The following EFNA5 variants were observed in gnomAD, a reference collection of about 807,000 sequenced individuals.
EFNA5 encodes the protein ephrin-A5.
In EFNA5, 5 loss-of-function variants were observed where a neutral mutation model predicts 22.9. That is an observed-to-expected ratio of 0.22 (90% CI 0.11 to 0.46). The LOEUF (loss-of-function observed/expected upper bound fraction) is 0.46. Among genes scored for constraint, EFNA5 ranks in the 20% least tolerant of loss-of-function variants. EFNA5 has a pLI of 0.99. For synonymous variants in EFNA5, 113 were observed against 112.2 expected, an observed-to-expected ratio of 1.01 and a Z score of -0.04; for missense variants, 237 against 293.3, an observed-to-expected ratio of 0.81 and a Z score of 1.40.
chr5:107,653,003 C>T (rs1052419315), intron 1 of EFNA5, among the ~76,000 whole-genome samples: 8 of 151,904 alleles, frequency 5.3e-5, no homozygotes, highest in Non-Finnish European at 1.0e-4. Context: ...CCAGGGATGC[C>T]AAGGCACTTA....
At chr5:107,531,077 T>C (rs945973467) in intron 1 of EFNA5, among the ~76,000 whole-genome samples, 6 of 152,240 alleles carry the variant, frequency 3.9e-5, no homozygotes, top group African/African-American at 1.2e-4. Context: ...TTAACGAAGA[T>C]GTTTTTTAAA....
chr5:107,481,859 AAAAAG>A (rs1357107866), intron 1 of EFNA5, among the ~76,000 whole-genome samples: 5 of 151,168 alleles, frequency 3.3e-5, no homozygotes, highest in Non-Finnish European at 7.4e-5. Flanking sequence ...CAAAAAAAAA[AAAAAG>A]AAAAGAAATG....
intron 2 of EFNA5, among the ~76,000 whole-genome samples, chr5:107,417,999 C>T (rs978481092): frequency 1.3e-5 from 2 of 152,154 alleles, no homozygotes; most frequent in Admixed American, 6.5e-5. Flanking sequence ...AGTAACCTTT[C>T]ACTCTGTGTG....
intron 1 of EFNA5, among the ~76,000 whole-genome samples, chr5:107,558,871 T>C (rs762742632): frequency 1.2e-4 from 19 of 152,242 alleles, no homozygotes; most frequent in Non-Finnish European, 2.6e-4. Context: ...TGGAGCAGAA[T>C]CATCCAGGCT....
intron 2 of EFNA5, 61 bp from the exon 3 acceptor site, chr5:107,387,832 C>T (rs1747673693): frequency 1.8e-6 from 2 of 1,125,494 alleles, no homozygotes; most frequent in Non-Finnish European, 1.3e-6. Flanking sequence ...TATTACTCTT[C>T]ATTTTCACAT....
intron 1 of EFNA5, among the ~76,000 whole-genome samples, chr5:107,619,123 C>T (rs1010708016): frequency 2.0e-5 from 3 of 151,906 alleles, no homozygotes; most frequent in Non-Finnish European, 4.4e-5. Flanking sequence ...GACGGGGTTT[C>T]GCTGTGTTAG....
chr5:107,455,971 C>T (rs520447), intron 1 of EFNA5, among the ~76,000 whole-genome samples: 3,276 of 152,268 alleles, frequency 0.022, 112 homozygotes, highest in African/African-American at 0.074. Context: ...ATGCCATCCA[C>T]TACCTAGAAA....
chr5:107,480,098 T>C (rs1750417494), intron 1 of EFNA5, among the ~76,000 whole-genome samples: 1 of 152,044 alleles, frequency 6.6e-6, no homozygotes, highest in Admixed American at 6.6e-5. Flanking sequence ...CATGAGAAAA[T>C]AAGAATAATA....
intron 1 of EFNA5, among the ~76,000 whole-genome samples, chr5:107,533,532 TA>T (rs1463015029): frequency 5.3e-5 from 8 of 152,080 alleles, no homozygotes; most frequent in Admixed American, 4.6e-4. Context: ...TTTTAAAAGA[TA>T]AAAAAGAATA....
At chr5:107,653,376 T>G (rs1243360245) in intron 1 of EFNA5, among the ~76,000 whole-genome samples, 1 of 152,128 alleles carries the variant, frequency 6.6e-6, no homozygotes, top group Admixed American at 6.5e-5. Context: ...CTCTATATGG[T>G]GCATTTATGA....
chr5:107,438,772 T>G (rs1035619015), intron 1 of EFNA5, among the ~76,000 whole-genome samples: 1 of 152,136 alleles, frequency 6.6e-6, no homozygotes, highest in African/African-American at 2.4e-5. Context: ...CTGGCATATC[T>G]GGGGGTTAGA....
chr5:107,448,851 AAATAAATAAATAAAT>A (rs1487725330), intron 1 of EFNA5, among the ~76,000 whole-genome samples: 2 of 117,152 alleles, frequency 1.7e-5, no homozygotes, highest in Non-Finnish European at 3.4e-5. Context: ...ATAAATAAAT[AAATAAATAAATAAAT>A]AAATAAAATA....
intron 1 of EFNA5, among the ~76,000 whole-genome samples, chr5:107,565,571 A>C (rs1483757486): frequency 6.6e-6 from 1 of 152,200 alleles, no homozygotes; most frequent in Non-Finnish European, 1.5e-5. Flanking sequence ...CATCATTTGC[A>C]CAACAAAGTT....
rs556831818 is a variant in EFNA5 at position 107,562,662 on chromosome 5, G to A, written c.125+107827C>T. Among the ~76,000 whole-genome samples the A allele has an allele frequency of 2.6e-4, 40 of 152,248 alleles. No individual in the cohort carries two copies. In the South Asian group the frequency reaches 6.6e-3, roughly 25 times the overall value. ...TTTTTAAAAAAGTTCCTAATATGTA[G>A]TAAACTCACCATTGTGAATATCAAA... On this transcript the variant is annotated intron_variant, in intron 1 of 4. Transcript: ENST00000333274.
intron 1 of EFNA5, among the ~76,000 whole-genome samples, chr5:107,559,094 C>T (rs756393115): frequency 2.0e-5 from 3 of 152,174 alleles, no homozygotes; most frequent in East Asian, 1.9e-4. Flanking sequence ...GACACAGTTT[C>T]GTAAATCACT....
intron 1 of EFNA5, among the ~76,000 whole-genome samples, chr5:107,630,043 G>C (rs114251444): frequency 0.019 from 2,778 of 150,012 alleles, 34 homozygotes; most frequent in African/African-American, 0.031. Flanking sequence ...GCAACAAAGC[G>C]TGACTCCATC....
intron 1 of EFNA5, among the ~76,000 whole-genome samples, chr5:107,522,770 T>C (rs1747623362): frequency 6.6e-6 from 1 of 152,150 alleles, no homozygotes; most frequent in Non-Finnish European, 1.5e-5. Flanking sequence ...GCCACTTGGG[T>C]AACTTTCTTC....
At chr5:107,504,773 T>C (rs1168024173) in intron 1 of EFNA5, among the ~76,000 whole-genome samples, 1 of 152,194 alleles carries the variant, frequency 6.6e-6, no homozygotes, top group African/African-American at 2.4e-5. Flanking sequence ...GGCACATGTT[T>C]GTGAAAGTAC....
At chr5:107,559,003 A>G (rs542347765) in intron 1 of EFNA5, among the ~76,000 whole-genome samples, 5 of 152,366 alleles carry the variant, frequency 3.3e-5, no homozygotes, top group African/African-American at 1.2e-4. Flanking sequence ...AGAAATGAAG[A>G]GAATTCTACA....
Sources: allele counts gnomAD v4.1 joint callset (sites outside exome capture counted in the v4.1 genomes callset), GRCh38; gene constraint gnomAD v4.1.1; transcripts MANE v1.5; gene names NCBI Gene and HGNC (gene_info 2026-07-23, HGNC 2026-07-21).